The following POLK variants were observed in gnomAD, a reference collection of about 807,000 sequenced individuals.
POLK encodes polymerase (DNA directed) kappa.
POLK carries 76 observed loss-of-function variants against 94.0 expected under a neutral mutation model. That is an observed-to-expected ratio of 0.81 (90% CI 0.67 to 0.98). The LOEUF is 0.98. POLK is among the 50% of genes least tolerant of loss of function. The probability of loss-of-function intolerance (pLI) is 0.00; values close to 1 mark genes in which losing one functional copy is unlikely to be tolerated. For synonymous variants in POLK, 349 were observed against 325.4 expected, an observed-to-expected ratio of 1.07 and a Z score of -0.78; for missense variants, 954 against 1,010.1, an observed-to-expected ratio of 0.94 and a Z score of 0.75.
chr5:75,586,977 A>G, intron 9 of POLK, 49 bp from the exon 10 acceptor site: 1 of 1,403,608 alleles, frequency 7.1e-7, no homozygotes, highest in African/African-American at 1.4e-5. Context: ...TGGTTAACTA[A>G]AAAAAACTCA....
intron 3 of POLK, among the ~76,000 whole-genome samples, chr5:75,554,905 T>C (rs1035946676): frequency 2.0e-5 from 3 of 152,238 alleles, no homozygotes; most frequent in African/African-American, 7.2e-5. Context: ...CAGTCTATCA[T>C]TGGTGAGCAT....
chr5:75,517,869 A>G (rs1313976045), intron 1 of POLK, among the ~76,000 whole-genome samples: 1 of 152,144 alleles, frequency 6.6e-6, no homozygotes, highest in African/African-American at 2.4e-5. Context: ...TTTGTCAAAT[A>G]CTTTTTCAGC....
downstream of POLK, among the ~76,000 whole-genome samples, chr5:75,605,390 G>A (rs1773398517): frequency 6.6e-6 from 1 of 152,136 alleles, no homozygotes; most frequent in South Asian, 2.1e-4. Context: ...TATGGAGAGA[G>A]TGAGAGAGAG....
chr5:75,536,177 G>A (rs949129249), intron 1 of POLK, among the ~76,000 whole-genome samples: 3 of 152,148 alleles, frequency 2.0e-5, no homozygotes, highest in African/African-American at 7.2e-5. Context: ...GGTGGATTCA[G>A]TTGATGAACT....
chr5:75,601,910 A>C (rs1029588543), downstream of POLK, among the ~76,000 whole-genome samples: 1 of 152,156 alleles, frequency 6.6e-6, no homozygotes, highest in South Asian at 2.1e-4. Flanking sequence ...AGAGGACCCT[A>C]ATACACCACC....
chr5:75,520,226 A>C (rs1256613759), intron 1 of POLK, among the ~76,000 whole-genome samples: 2 of 152,204 alleles, frequency 1.3e-5, no homozygotes, highest in Non-Finnish European at 2.9e-5. Flanking sequence ...GTCTCAACTT[A>C]CATATTTTTA....
chr5:75,528,412 G>A (rs1192549483), intron 1 of POLK, among the ~76,000 whole-genome samples: 1 of 152,036 alleles, frequency 6.6e-6, no homozygotes, highest in African/African-American at 2.4e-5. Flanking sequence ...TGGATTTGTT[G>A]CATGATATAT....
At chr5:75,555,378 A>G (rs922744558) in intron 3 of POLK, among the ~76,000 whole-genome samples, 4 of 152,082 alleles carry the variant, frequency 2.6e-5, no homozygotes, top group African/African-American at 9.7e-5. Flanking sequence ...CTTTTCCAGA[A>G]TGTCATATAT....
rs1772293977 is a variant in POLK, at chr5:75,583,233, G to A, written c.935-60G>A. The A allele has an allele frequency of 1.4e-5, 18 of 1,243,462 alleles. No homozygotes were observed. In the South Asian group the frequency reaches 3.2e-4, roughly 22 times the overall value. 77.0% of individuals were successfully genotyped at this position (1,243,462 alleles called of 1,614,324 possible). ...AACTTTTTTTTTCTGTTTTGTTATT[G>A]CATATTTAAAAGTCATACATATCAA... is the stretch of plus-strand genomic sequence containing the variant. On this transcript the variant is annotated intron_variant, in intron 7 of 14. Coordinates refer to ENST00000241436, the Ensembl canonical transcript of POLK.
chr5:75,569,273 TGTTGTG>T (rs1771453898), intron 3 of POLK, 61 bp from the exon 4 acceptor site: 2 of 1,026,282 alleles, frequency 1.9e-6, no homozygotes, highest in Non-Finnish European at 2.9e-6. Flanking sequence ...TTAAGATTAA[TGTTGTG>T]GTTAATGGTG....
chr5:75,567,556 G>A (rs2112749005), intron 3 of POLK, among the ~76,000 whole-genome samples: 1 of 152,224 alleles, frequency 6.6e-6, no homozygotes, highest in East Asian at 1.9e-4. Flanking sequence ...TTAATATACT[G>A]CTATAAATTC....
At chr5:75,570,774 C>G (rs559942133) in intron 4 of POLK, among the ~76,000 whole-genome samples, 32 of 152,230 alleles carry the variant, frequency 2.1e-4, no homozygotes, top group African/African-American at 7.5e-4. Flanking sequence ...GAGTTCTTCC[C>G]TGTTCCTAAC....
In POLK at chr5:75,524,309, C is replaced by T. The variant is rs5744561; in HGVS notation, c.-14+12395C>T. On this transcript the variant is annotated intron_variant, in intron 1 of 14. Coordinates refer to ENST00000241436, the Ensembl canonical transcript of POLK. ...CTAGGAACTGAGTCAGTCCCAGGTG[C>T]CTTCCTTAAATACTTGTGGGTTGAA... Among the ~76,000 whole-genome samples, 109 of 152,188 alleles carry T rather than the reference C, an allele frequency of 7.2e-4. 1 individual carries two copies. The highest frequency in any genetic ancestry group is 2.6e-3 in the African/African-American group (106 of 41,524).
At chr5:75,608,823 T>C in the POLK span, 4 of 152,174 alleles carry the variant, frequency 2.6e-5, no homozygotes, top group African/African-American at 9.7e-5. Context: ...GGATGAAGAA[T>C]GGAGAAGAAT....
chr5:75,511,212 G>C (rs551811011), upstream of POLK: 1 of 1,612,716 alleles, frequency 6.2e-7, no homozygotes, highest in African/African-American at 1.3e-5. Flanking sequence ...CGACATGGAG[G>C]CTCGACAACC....
At chr5:75,549,903 A>T (rs2112649699) in intron 2 of POLK, among the ~76,000 whole-genome samples, 1 of 152,234 alleles carries the variant, frequency 6.6e-6, no homozygotes, top group East Asian at 1.9e-4. Flanking sequence ...ACATTTCTAG[A>T]AGTTTACAAT....
chr5:75,596,148 A>G, intron 12 of POLK, 74 bp from the exon 13 acceptor site: 2 of 817,166 alleles, frequency 2.4e-6, no homozygotes, highest in African/African-American at 1.7e-5. Context: ...ATAGCACTAG[A>G]CAAAATGTTT....
At chr5:75,584,434 C>T (rs1479868586) in intron 8 of POLK, among the ~76,000 whole-genome samples, 1 of 152,002 alleles carries the variant, frequency 6.6e-6, no homozygotes, top group African/African-American at 2.4e-5. Context: ...TTTGGGAGGC[C>T]AGGGTGGGCG....
intron 5 of POLK, among the ~76,000 whole-genome samples, chr5:75,574,951 C>CT (rs1190648379): frequency 6.6e-6 from 1 of 152,238 alleles, no homozygotes; most frequent in African/African-American, 2.4e-5. Context: ...TAAAGTCGTA[C>CT]TTTAACTCAG....
Sources: gnomAD v4.1 joint callset for allele counts (sites outside exome capture counted in the v4.1 genomes callset) on GRCh38, gnomAD v4.1.1 for gene constraint, MANE v1.5 for transcripts, NCBI Gene and HGNC (gene_info 2026-07-23, HGNC 2026-07-21) for gene names.